FSTL5: variants seen among roughly 807,000 people sequenced by gnomAD.
FSTL5 encodes the protein follistatin like 5.
Under a neutral mutation model 89.1 loss-of-function variants are expected in FSTL5, and 62 were observed. The observed-to-expected ratio is 0.70, with a 90% CI of 0.57 to 0.86. The LOEUF (loss-of-function observed/expected upper bound fraction) is 0.86. Among genes scored for constraint, FSTL5 ranks in the 40% least tolerant of loss-of-function variants. The probability of loss-of-function intolerance (pLI) is 0.00; values close to 1 mark genes in which losing one functional copy is unlikely to be tolerated. For synonymous variants in FSTL5, 383 were observed against 346.2 expected, an observed-to-expected ratio of 1.11 and a Z score of -1.18; for missense variants, 1,057 against 1,001.6, an observed-to-expected ratio of 1.06 and a Z score of -0.75.
rs578228347 is a variant in FSTL5 at position 161,781,603 on chromosome 4, A to C, written c.410-5529T>G. Among the ~76,000 whole-genome samples the C allele has an allele frequency of 3.3e-5, 5 of 152,258 alleles. No individual in the cohort carries two copies. In the South Asian group the frequency reaches 1.0e-3, roughly 32 times the overall value. ...TTAAGACTTTGGTTTTTAGTGTTTTAGGCTTACAAAATTGACCAGAACTTA... is the reference window on the plus strand; with the variant it reads ...TTAAGACTTTGGTTTTTAGTGTTTTCGGCTTACAAAATTGACCAGAACTTA... On this transcript the variant is annotated intron_variant, in intron 4 of 15. Coordinates refer to ENST00000306100, the MANE Select transcript of FSTL5 (RefSeq NM_020116.5).
chr4:161,743,353 G>A (rs1044037613), intron 6 of FSTL5, among the ~76,000 whole-genome samples: 2 of 152,070 alleles, frequency 1.3e-5, no homozygotes, highest in Non-Finnish European at 2.9e-5. Flanking sequence ...CAATGTATAG[G>A]AAGGTTTAGT....
chr4:161,721,261 G>C (rs943064396), intron 6 of FSTL5, among the ~76,000 whole-genome samples: 2 of 131,160 alleles, frequency 1.5e-5, no homozygotes, highest in African/African-American at 2.7e-5. Flanking sequence ...GTCCGGCCTG[G>C]GCGACAGAGC....
At chr4:161,593,505 A>G (rs1447994581) in intron 7 of FSTL5, among the ~76,000 whole-genome samples, 3 of 151,782 alleles carry the variant, frequency 2.0e-5, no homozygotes, top group Admixed American at 2.0e-4. Flanking sequence ...CAGAGAAGAG[A>G]AAGAGAGAAA....
At chr4:161,487,841 T>G (rs1027967686) in intron 12 of FSTL5, among the ~76,000 whole-genome samples, 1 of 152,118 alleles carries the variant, frequency 6.6e-6, no homozygotes, top group African/African-American at 2.4e-5. Context: ...TTATTCTGAA[T>G]GAGGATTTAT....
chr4:161,870,945 G>A (rs1278844703), intron 4 of FSTL5, among the ~76,000 whole-genome samples: 4 of 152,052 alleles, frequency 2.6e-5, no homozygotes, highest in Non-Finnish European at 5.9e-5. Context: ...CTTAATATAT[G>A]TAGATACATC....
At chr4:161,841,492 C>T (rs982030109) in intron 4 of FSTL5, among the ~76,000 whole-genome samples, 4 of 151,880 alleles carry the variant, frequency 2.6e-5, no homozygotes, top group South Asian at 4.2e-4. Context: ...AATCAAAATC[C>T]CATAGATGGA....
chr4:161,619,279 G>C (rs1273501503), intron 7 of FSTL5, among the ~76,000 whole-genome samples: 14 of 151,988 alleles, frequency 9.2e-5, no homozygotes, highest in Admixed American at 9.2e-4. Flanking sequence ...CATAGGCATG[G>C]GCAAGGACTT....
intron 15 of FSTL5, among the ~76,000 whole-genome samples, chr4:161,412,718 G>A (rs558297606): frequency 3.3e-5 from 5 of 151,920 alleles, no homozygotes; most frequent in Non-Finnish European, 7.4e-5. Context: ...TAAAACAGAC[G>A]CATAGATCAA....
chr4:161,815,647 G>A (rs1730301411), intron 4 of FSTL5, among the ~76,000 whole-genome samples: 1 of 152,036 alleles, frequency 6.6e-6, no homozygotes, highest in African/African-American at 2.4e-5. Context: ...CATAAGTTAA[G>A]TCAGTAGTTA....
rs552941348 is a variant in FSTL5, at chr4:161,909,081, A to C, written c.409+11323T>G. ...GCCAGCCTAAGCACAGTCCATTACT[A>C]ATGGTTTAACTAAGAGGCACAGATG... On this transcript the variant is annotated intron_variant, in intron 4 of 15. Coordinates refer to ENST00000306100, the MANE Select transcript of FSTL5 (RefSeq NM_020116.5). 5.3e-5 allele frequency among the ~76,000 whole-genome samples: 8 copies of C among 152,252 alleles called. No individual in the cohort carries two copies. In the East Asian group the frequency reaches 1.5e-3, roughly 29 times the overall value.
chr4:161,670,119 T>C (rs1385234807), intron 6 of FSTL5, among the ~76,000 whole-genome samples: 3 of 152,228 alleles, frequency 2.0e-5, no homozygotes, highest in Non-Finnish European at 2.9e-5. Context: ...ATCTTTAATA[T>C]ATTTTTAAAG....
intron 2 of FSTL5, among the ~76,000 whole-genome samples, chr4:162,074,460 C>T (rs17432342): frequency 0.055 from 8,308 of 151,462 alleles, 315 homozygotes; most frequent in East Asian, 0.11. Flanking sequence ...AGTGGTACTA[C>T]GTATCAAGGA....
At chr4:161,715,052 A>G (rs1738929087) in intron 6 of FSTL5, among the ~76,000 whole-genome samples, 1 of 152,178 alleles carries the variant, frequency 6.6e-6, no homozygotes, top group Admixed American at 6.5e-5. Context: ...TTGATTATTT[A>G]AAATAATAAT....
At chr4:161,992,861 AATATAT>A (rs1214124720) in intron 3 of FSTL5, among the ~76,000 whole-genome samples, 23 of 76,250 alleles carry the variant, frequency 3.0e-4, no homozygotes, top group East Asian at 8.0e-4. Flanking sequence ...AAAAAAAAAA[AATATAT>A]ATATATATAT....
rs201415222 is a variant in FSTL5 at position 162,068,590 on chromosome 4, TA to T, written c.127-34933del. Among the ~76,000 whole-genome samples, 1,159 of 152,032 alleles carry T rather than the reference TA, an allele frequency of 7.6e-3. 15 individuals are homozygous for T. Among genetic ancestry groups the T allele is most frequent in the African/African-American group, 0.027 (1,107 of 41,468 alleles). On this transcript the variant is annotated intron_variant, in intron 2 of 15. Coordinates refer to ENST00000306100, the MANE Select transcript of FSTL5 (RefSeq NM_020116.5). Reference sequence around the variant, plus strand: ...GACTTAAACGTAAAATCAAAAACTATAAAAACCCAGATGAAAACCTAGGTAA... The same window carrying T: ...GACTTAAACGTAAAATCAAAAACTATAAAACCCAGATGAAAACCTAGGTAA...
intron 8 of FSTL5, among the ~76,000 whole-genome samples, chr4:161,553,697 C>T (rs1330733109): frequency 6.6e-6 from 1 of 151,382 alleles, no homozygotes; most frequent in Admixed American, 6.6e-5. Context: ...GACTACTTGG[C>T]ATCCACATTC....
intron 4 of FSTL5, among the ~76,000 whole-genome samples, chr4:161,880,919 CA>C (rs1277089555): frequency 2.6e-5 from 4 of 152,014 alleles, no homozygotes; most frequent in African/African-American, 9.6e-5. Flanking sequence ...AAAGCCTCAG[CA>C]AAGGAAATTT....
At chr4:162,146,752 T>TTCTCTCTCTC (rs373161292) in intron 1 of FSTL5, among the ~76,000 whole-genome samples, 4,025 of 117,888 alleles carry the variant, frequency 0.034, 224 homozygotes, top group African/African-American at 0.1. Flanking sequence ...TCTTTCTCCT[T>TTCTCTCTCTC]TCTCTCTCTC....
intron 13 of FSTL5, 34 bp downstream of exon 13, chr4:161,480,986 G>A: frequency 6.9e-7 from 1 of 1,441,324 alleles, no homozygotes; most frequent in Non-Finnish European, 9.6e-7. Context: ...ATTTTTTAAA[G>A]ATTTACTTTT....
Sources: gnomAD v4.1 joint callset for allele counts (sites outside exome capture counted in the v4.1 genomes callset) on GRCh38, gnomAD v4.1.1 for gene constraint, MANE v1.5 for transcripts, NCBI Gene and HGNC (gene_info 2026-07-23, HGNC 2026-07-21) for gene names.